PSD3: variants seen among roughly 807,000 people sequenced by gnomAD.
The protein encoded by PSD3 is pleckstrin and Sec7 domain containing 3.
Under a neutral mutation model 105.5 loss-of-function variants are expected in PSD3, and 49 were observed. The observed-to-expected ratio is 0.46, with a 90% confidence interval of 0.37 to 0.59. PSD3 has a LOEUF of 0.59. PSD3 is among the 20% of genes least tolerant of loss of function. PSD3 has a pLI of 0.00. For missense variants in PSD3, 1,561 were observed against 1,263.8 expected, an observed-to-expected ratio of 1.24 and a Z score of -3.57; for synonymous variants, 557 against 457.8, an observed-to-expected ratio of 1.22 and a Z score of -2.77.
At chr8:18,660,666 C>G (rs1231158638) in intron 9 of PSD3, among the ~76,000 whole-genome samples, 1 of 152,314 alleles carries the variant, frequency 6.6e-6, no homozygotes, top group East Asian at 1.9e-4. Flanking sequence ...TCTACCACAT[C>G]AGCTCCTTGG....
At chr8:19,040,655 T>C (rs1310450183) in intron 1 of PSD3, among the ~76,000 whole-genome samples, 2 of 152,334 alleles carry the variant, frequency 1.3e-5, no homozygotes, top group East Asian at 3.9e-4. Context: ...GCAGGAAGAC[T>C]GCTTACGATT....
chr8:18,804,509 G>A lies in PSD3; in HGVS notation c.1910+13C>T, dbSNP rs138774977. Reference sequence around the variant, plus strand: ...TGAAAGCAATGACGAGCAGCAAGGAGGCTTAGTCATACCTGAGTGACTGAT... The same window carrying A: ...TGAAAGCAATGACGAGCAGCAAGGAAGCTTAGTCATACCTGAGTGACTGAT... On this transcript the variant is annotated intron_variant, in intron 6 of 15. Transcript: ENST00000327040. The A allele has an allele frequency of 2.7e-4, 434 of 1,581,868 alleles. 1 individual carries two copies. Among genetic ancestry groups the A allele is most frequent in the African/African-American group, 2.7e-3 (203 of 74,162 alleles).
chr8:18,930,171 C>A (rs1821646356), intron 2 of PSD3, among the ~76,000 whole-genome samples: 1 of 152,134 alleles, frequency 6.6e-6, no homozygotes, highest in African/African-American at 2.4e-5. Context: ...AAGACTCACA[C>A]TTCCAGAAAC....
intron 4 of PSD3, among the ~76,000 whole-genome samples, chr8:18,834,144 G>C (rs1221849327): frequency 6.6e-6 from 1 of 152,092 alleles, no homozygotes; most frequent in Non-Finnish European, 1.5e-5. Flanking sequence ...CCAATTCAAA[G>C]AGCACATGAA....
intron 15 of PSD3, among the ~76,000 whole-genome samples, chr8:18,554,268 G>A (rs1800939820): frequency 6.6e-6 from 1 of 152,198 alleles, no homozygotes; most frequent in Non-Finnish European, 1.5e-5. Context: ...CAGGCCTATG[G>A]CTTAAAGCCA....
chr8:18,975,192 C>T (rs549516380), intron 1 of PSD3, among the ~76,000 whole-genome samples: 2 of 151,402 alleles, frequency 1.3e-5, no homozygotes, highest in South Asian at 4.1e-4. Context: ...CTGCCTAGTC[C>T]CCCCGTTTTC....
intron 1 of PSD3, among the ~76,000 whole-genome samples, chr8:19,073,748 A>G (rs190305503): frequency 6.6e-6 from 1 of 151,440 alleles, no homozygotes; most frequent in African/African-American, 2.4e-5. Context: ...CAACTGAATC[A>G]CCTGCTCTGA....
chr8:18,733,685 C>T (rs1449879128), intron 9 of PSD3: 1 of 152,668 alleles, frequency 6.6e-6, no homozygotes. Context: ...CCACTCACGT[C>T]CTGGTTTATC....
intron 11 of PSD3, among the ~76,000 whole-genome samples, chr8:18,618,616 C>CTTA: frequency 1.4e-5 from 2 of 140,848 alleles, no homozygotes; most frequent in Non-Finnish European, 3.3e-5. Flanking sequence ...ATGTACCAGG[C>CTTA]AGTGTACTAC....
chr8:19,004,276 G>C (rs2129474684), intron 1 of PSD3, among the ~76,000 whole-genome samples: 1 of 152,078 alleles, frequency 6.6e-6, no homozygotes, highest in African/African-American at 2.4e-5. Context: ...AGAGCTTTGT[G>C]GTCCCTCTCA....
intron 8 of PSD3, among the ~76,000 whole-genome samples, chr8:18,793,178 G>A (rs1380846034): frequency 6.2e-4 from 94 of 152,088 alleles, no homozygotes; most frequent in Admixed American, 6.2e-3. Flanking sequence ...GTCGTGGGGT[G>A]GGGAGAGGGA....
rs1803832801 is a variant in PSD3, at chr8:18,594,139, T to TATATTATATAATATATATTATATAC, written c.2481+6224_2481+6225insGTATATAATATATATTATATAATAT. ...AAAGTATAATAATATATATTATATA[T>TATATTATATAATATATATTATATAC]ATATTATATAATATATATTATTATA... On this transcript the variant is annotated intron_variant, in intron 12 of 15. Transcript: ENST00000327040. 4.9e-4 allele frequency among the ~76,000 whole-genome samples: 15 copies of TATATTATATAATATATATTATATAC among 30,828 alleles called. 3 individuals are homozygous for TATATTATATAATATATATTATATAC. The highest frequency in any genetic ancestry group is 1.3e-3 in the African/African-American group (15 of 11,506). 20.2% of individuals were successfully genotyped at this position (30,828 alleles called of 152,430 possible).
intron 12 of PSD3, among the ~76,000 whole-genome samples, chr8:18,592,138 A>T (rs1803658838): frequency 6.6e-6 from 1 of 152,178 alleles, no homozygotes. Flanking sequence ...GATGCTCAAC[A>T]AGCTAAAAAA....
At position 18,946,343 on chromosome 8, in the gene PSD3, A is replaced by G. The variant is rs1822853755; in HGVS notation, c.22-10201T>C. On this transcript the variant is annotated intron_variant, in intron 1 of 15. Coordinates refer to ENST00000327040, the MANE Select transcript of PSD3 (RefSeq NM_015310.4). ...GTAATCTCAATGGTTTGGGAGGTCA[A>G]ACTGAGAGGATTGCCTGAGGCCAGG... is the stretch of plus-strand genomic sequence containing the variant. Among the ~76,000 whole-genome samples, 3 of 152,126 alleles carry G rather than the reference A, an allele frequency of 2.0e-5. No homozygotes were observed. In the South Asian group the frequency reaches 6.2e-4, roughly 32 times the overall value.
rs185231995 is a variant in PSD3, at chr8:18,543,724, G to A, written c.2929-7766C>T. On this transcript the variant is annotated intron_variant, in intron 15 of 15. Transcript: ENST00000327040. ...CTACGAGGGATAAATAAAAATTATC[G>A]TGTCTAAGACCATGTAAACTGCTAC... Among the ~76,000 whole-genome samples, 1,128 of 151,950 alleles carry A rather than the reference G, an allele frequency of 7.4e-3. 10 individuals are homozygous for A. The highest frequency in any genetic ancestry group is 9.4e-3 in the Non-Finnish European group (642 of 67,970).
At chr8:18,737,862 G>C (rs1401520160) in intron 9 of PSD3, among the ~76,000 whole-genome samples, 4 of 152,120 alleles carry the variant, frequency 2.6e-5, no homozygotes, top group African/African-American at 9.7e-5. Context: ...ACCTACTTGA[G>C]CCTGATTTCC....
At chr8:18,977,259 CAAAAAA>C (rs36071554) in intron 1 of PSD3, among the ~76,000 whole-genome samples, 5 of 113,180 alleles carry the variant, frequency 4.4e-5, no homozygotes, top group Non-Finnish European at 8.6e-5. Context: ...CACCCTATCT[CAAAAAA>C]AAAAAAAAAA....
At chr8:18,757,640 G>C (rs1361879649) in intron 9 of PSD3, among the ~76,000 whole-genome samples, 1 of 152,082 alleles carries the variant, frequency 6.6e-6, no homozygotes, top group Non-Finnish European at 1.5e-5. Flanking sequence ...CTTCAATACT[G>C]TCACCACCAG....
intron 9 of PSD3, among the ~76,000 whole-genome samples, chr8:18,710,132 G>A (rs374237462): frequency 2.7e-4 from 41 of 152,206 alleles, no homozygotes; most frequent in South Asian, 1.7e-3. Context: ...AGAATAACCC[G>A]TTTAGAGAGG....
Sources: allele counts gnomAD v4.1 joint callset (sites outside exome capture counted in the v4.1 genomes callset), GRCh38; gene constraint gnomAD v4.1.1; transcripts MANE v1.5; gene names NCBI Gene and HGNC (gene_info 2026-07-23, HGNC 2026-07-21).